The following POMT2 variants were observed in gnomAD, a reference collection of about 807,000 sequenced individuals.
The protein encoded by POMT2 is protein O-mannosyltransferase 2, also known as protein O-mannosyl-transferase 2.
In POMT2, 75 loss-of-function variants were observed where a neutral mutation model predicts 100.0. That is an observed-to-expected ratio of 0.75 (90% confidence interval 0.62 to 0.91). The LOEUF (loss-of-function observed/expected upper bound fraction) is 0.91. POMT2 is among the 40% of genes least tolerant of loss of function. The pLI is 0.00. For missense variants in POMT2, 940 were observed against 955.1 expected, an observed-to-expected ratio of 0.98 and a Z score of 0.21; for synonymous variants, 378 against 374.1, an observed-to-expected ratio of 1.01 and a Z score of -0.12.
intron 9 of POMT2, among the ~76,000 whole-genome samples, chr14:77,292,538 AC>A: frequency 1.3e-5 from 2 of 152,344 alleles, no homozygotes; most frequent in South Asian, 4.1e-4. Flanking sequence ...CAGGATAGAG[AC>A]TATATACGTC....
chr14:77,285,386 T>C lies in POMT2; in HGVS notation c.1484+95A>G, dbSNP rs3815625. 1,228,969 of 1,520,052 alleles carry C rather than the reference T, an allele frequency of 0.81. 498,226 individuals are homozygous for C. The highest frequency in any genetic ancestry group is 0.96 in the East Asian group (42,759 of 44,326). The allele number at this position is 1,520,052 out of a possible 1,614,324, so 94.2% of individuals were successfully genotyped here. ...CCACTAAGAACAAGCAGACAGCAGG[T>C]GAACACAGGAAAACAAAAGCTTCTG... On this transcript the variant is annotated intron_variant, in intron 13 of 20. Coordinates refer to ENST00000261534, the MANE Select transcript of POMT2 (RefSeq NM_013382.7).
chr14:77,316,871 G>T (rs970730234), intron 1 of POMT2, among the ~76,000 whole-genome samples: 2 of 152,180 alleles, frequency 1.3e-5, no homozygotes, highest in Admixed American at 6.5e-5. Context: ...TATGCCACTT[G>T]GAAGACTAAA....
rs375320207 is a variant in POMT2 at position 77,277,340 on chromosome 14, A to G, written c.*36T>C. The stretch of plus-strand genomic sequence containing the variant: ...TGCTTCCCAGCTGGCTCTCCTGGGA[A>G]GTTCCTGGACCCAGGCTGGAATCTT... On this transcript the variant is annotated 3_prime_UTR_variant, in exon 21 of 21. Transcript: ENST00000261534. 9.7e-6 allele frequency: 15 copies of G among 1,539,846 alleles called. No individual in the cohort carries two copies. Among genetic ancestry groups the G allele is most frequent in the Non-Finnish European group, 1.3e-5 (15 of 1,112,998 alleles).
At chr14:77,304,856 A>G in intron 3 of POMT2, 56 bp from the exon 4 acceptor site, 1 of 1,547,892 alleles carries the variant, frequency 6.5e-7, no homozygotes, top group Non-Finnish European at 8.7e-7. Context: ...TCAGCGACCT[A>G]CTGGACTCAG....
At chr14:77,282,976 A>G (rs753897974) in intron 15 of POMT2, among the ~76,000 whole-genome samples, 36 of 152,366 alleles carry the variant, frequency 2.4e-4, no homozygotes, top group African/African-American at 8.7e-4. Flanking sequence ...GTCTTCCACT[A>G]AACAGCAGGA....
At chr14:77,320,275 A>G (rs1279561767) in intron 1 of POMT2, 159 bp downstream of exon 1, 1 of 1,235,320 alleles carries the variant, frequency 8.1e-7, no homozygotes, top group African/African-American at 1.5e-5. Context: ...CTCCCAGAGA[A>G]TGCACCTCGC....
chr14:77,293,116 T>A (rs1594790230), intron 9 of POMT2, among the ~76,000 whole-genome samples: 1 of 152,326 alleles, frequency 6.6e-6, no homozygotes, highest in Admixed American at 6.5e-5. Context: ...ATTAAGAATA[T>A]ACAAGAAGCT....
chr14:77,282,616 A>G (rs1388540272), intron 15 of POMT2, among the ~76,000 whole-genome samples: 2 of 152,256 alleles, frequency 1.3e-5, no homozygotes, highest in African/African-American at 4.8e-5. Context: ...CACATGTTCA[A>G]AAGAGCTATG....
intron 20 of POMT2, chr14:77,278,136 G>A (rs934162978): frequency 2.2e-5 from 11 of 497,250 alleles, no homozygotes; most frequent in African/African-American, 3.9e-5. Context: ...TTCCAGGTGC[G>A]CTGGGATGGC....
At position 77,284,802 on chromosome 14, in the gene POMT2, A is replaced by G. The variant is rs996830362; in HGVS notation, c.1576+148T>C. The G allele has an allele frequency of 3.2e-5, 23 of 717,724 alleles. No homozygotes were observed. In the Admixed American group the frequency reaches 4.4e-4, roughly 14 times the overall value. 44.5% of individuals were successfully genotyped at this position (717,724 alleles called of 1,614,324 possible). On this transcript the variant is annotated intron_variant, in intron 14 of 20. Transcript: ENST00000261534. The stretch of plus-strand genomic sequence containing the variant: ...GAAAAGGAGTATGCTATGTAGGTAC[A>G]GACAACTCATAGAAAGAGAGTGTTA...
chr14:77,282,357 G>A (rs1890266788), intron 15 of POMT2, among the ~76,000 whole-genome samples: 1 of 152,168 alleles, frequency 6.6e-6, no homozygotes, highest in African/African-American at 2.4e-5. Context: ...AGGCAAGGCA[G>A]CCTTCTCCTC....
At chr14:77,284,749 G>A (rs146020798) in intron 14 of POMT2, among the ~76,000 whole-genome samples, 1 of 152,274 alleles carries the variant, frequency 6.6e-6, no homozygotes. Context: ...TTTAGGGAGA[G>A]GAGTTTACGG....
intron 3 of POMT2, 51 bp from the exon 4 acceptor site, chr14:77,304,851 G>A (rs1203949574): frequency 4.5e-6 from 7 of 1,548,936 alleles, no homozygotes; most frequent in South Asian, 2.4e-5. Context: ...CTAGGTCAGC[G>A]ACCTACTGGA....
At chr14:77,319,221 C>T (rs1182334961) in intron 1 of POMT2, among the ~76,000 whole-genome samples, 1 of 152,118 alleles carries the variant, frequency 6.6e-6, no homozygotes, top group Non-Finnish European at 1.5e-5. Context: ...GACTTATTCA[C>T]AAGTGGCTGA....
At position 77,306,273 on chromosome 14, in the gene POMT2, T is replaced by C. The variant is rs1054714368; in HGVS notation, c.438+64A>G. ...GCCACCACGCCAGGGCTGCTAACTA[T>C]AACATTTCTGGTTTAGTGTGGCCCC... On this transcript the variant is annotated intron_variant, in intron 3 of 20. Coordinates refer to ENST00000261534, the MANE Select transcript of POMT2 (RefSeq NM_013382.7). 2.5e-6 allele frequency: 4 copies of C among 1,601,678 alleles called. No homozygotes were observed. In the African/African-American group the frequency reaches 4.0e-5, roughly 16 times the overall value.
Position 77,277,060 on chromosome 14 carries a change from G to C in POMT2, c.*316C>G, listed in dbSNP as rs1460121683. The C allele has an allele frequency of 2.4e-6, 1 of 409,502 alleles. No homozygotes were observed. The highest frequency in any genetic ancestry group is 4.6e-6 in the Non-Finnish European group (1 of 217,862). 25.4% of individuals were successfully genotyped at this position (409,502 alleles called of 1,614,324 possible). ...ACGGTCTGTATTCCACAGGGATATGGACAACATGCCCTCACATACACACAC... is the reference window on the plus strand; with the variant it reads ...ACGGTCTGTATTCCACAGGGATATGCACAACATGCCCTCACATACACACAC... On this transcript the variant is annotated 3_prime_UTR_variant, in exon 21 of 21. Coordinates refer to ENST00000261534, the MANE Select transcript of POMT2 (RefSeq NM_013382.7).
At chr14:77,284,315 C>T (rs532912177) in intron 14 of POMT2, 166 of 259,910 alleles carry the variant, frequency 6.4e-4, no homozygotes, top group Non-Finnish European at 1.1e-3. Flanking sequence ...AATATGTCCA[C>T]AGGGCCCCAT....
intron 1 of POMT2, among the ~76,000 whole-genome samples, chr14:77,314,892 A>G (rs192644382): frequency 1.2e-4 from 18 of 152,358 alleles, no homozygotes; most frequent in Admixed American, 1.2e-3. Context: ...CCAAAAGTAA[A>G]TATAAATATG....
intron 10 of POMT2, 119 bp downstream of exon 10, chr14:77,291,195 G>A: frequency 1.1e-6 from 1 of 892,890 alleles, no homozygotes; most frequent in Non-Finnish European, 1.8e-6. Flanking sequence ...GATAAGTAAA[G>A]GTGTCAAAGA....
Sources: gnomAD v4.1 joint callset for allele counts (sites outside exome capture counted in the v4.1 genomes callset) on GRCh38, gnomAD v4.1.1 for gene constraint, MANE v1.5 for transcripts, NCBI Gene and HGNC (gene_info 2026-07-23, HGNC 2026-07-21) for gene names.